Variants in ANKS1B observed in about 807,000 individuals in gnomAD.
ANKS1B encodes the protein ankyrin repeat and sterile alpha motif domain containing 1B.
In ANKS1B, 36 loss-of-function variants were observed where a neutral mutation model predicts 148.3. The observed-to-expected ratio is 0.24, with a 90% CI of 0.19 to 0.32. The LOEUF is 0.32. Among genes scored for constraint, ANKS1B ranks in the 10% least tolerant of loss-of-function variants. ANKS1B has a pLI of 1.00. For missense variants in ANKS1B, 1,157 were observed against 1,542.6 expected, an observed-to-expected ratio of 0.75 and a Z score of 4.19; for synonymous variants, 542 against 560.8, an observed-to-expected ratio of 0.97 and a Z score of 0.47.
At chr12:98,812,309 C>T (rs1211885331) in intron 19 of ANKS1B, among the ~76,000 whole-genome samples, 1 of 152,246 alleles carries the variant, frequency 6.6e-6, no homozygotes, top group East Asian at 1.9e-4. Context: ...CAGTCACCTA[C>T]AGTATTCAGT....
rs145869335 is a variant in ANKS1B, at chr12:99,507,965, G to A, written c.1273-3324C>T. ...TTTTCCTCCTCTACCAGGGCTAAAT[G>A]CTTTCTGAGCTTTGTGTTTTTAATT... On this transcript the variant is annotated intron_variant, in intron 9 of 26. Transcript: ENST00000683438. Among the ~76,000 whole-genome samples, 4 of 151,850 alleles carry A rather than the reference G, an allele frequency of 2.6e-5. No individual in the cohort carries two copies. The East Asian group carries it at 7.7e-4, about 29-fold the overall frequency.
intron 1 of ANKS1B, 96 bp downstream of exon 1, chr12:99,984,008 G>A (rs1371553974): frequency 9.1e-7 from 1 of 1,098,662 alleles, no homozygotes; most frequent in African/African-American, 1.6e-5. Context: ...TGAATCGCTG[G>A]CAGCCACCAG....
chr12:99,514,060 T>C (rs1445861614), intron 9 of ANKS1B, among the ~76,000 whole-genome samples: 1 of 152,046 alleles, frequency 6.6e-6, no homozygotes, highest in Non-Finnish European at 1.5e-5. Context: ...AGTAAATTCA[T>C]TTAATTAACA....
intron 10 of ANKS1B, among the ~76,000 whole-genome samples, chr12:99,469,948 C>T (rs7306764): frequency 0.24 from 36,312 of 151,366 alleles, 4,950 homozygotes; most frequent in African/African-American, 0.38. Context: ...AGGAGACCCC[C>T]GTATCTTCAA....
chr12:99,094,237 TA>T (rs1239356426), intron 15 of ANKS1B, among the ~76,000 whole-genome samples: 2 of 152,274 alleles, frequency 1.3e-5, no homozygotes, highest in Admixed American at 1.3e-4. Flanking sequence ...AACAGTGGAA[TA>T]AAAAAATAGA....
At chr12:99,082,200 A>G (rs1443878247) in intron 16 of ANKS1B, among the ~76,000 whole-genome samples, 3 of 152,138 alleles carry the variant, frequency 2.0e-5, no homozygotes, top group Non-Finnish European at 4.4e-5. Context: ...TGAGGGTGAG[A>G]TGGAAAATAA....
At chr12:99,043,979 G>T (rs2099960707) in intron 17 of ANKS1B, among the ~76,000 whole-genome samples, 1 of 152,172 alleles carries the variant, frequency 6.6e-6, no homozygotes, top group African/African-American at 2.4e-5. Context: ...GAGAGCAGAG[G>T]TTTATCTTTT....
intron 8 of ANKS1B, among the ~76,000 whole-genome samples, chr12:99,656,821 A>T (rs2098451993): frequency 6.6e-6 from 1 of 152,216 alleles, no homozygotes; most frequent in African/African-American, 2.4e-5. Context: ...CTCTGAATGT[A>T]GCGTTCAGCA....
chr12:99,330,088 C>T (rs1242993373), intron 12 of ANKS1B, among the ~76,000 whole-genome samples: 2 of 151,884 alleles, frequency 1.3e-5, no homozygotes, highest in African/African-American at 2.4e-5. Flanking sequence ...CTTAATTCTT[C>T]AGTTCACCTT....
intron 22 of ANKS1B, among the ~76,000 whole-genome samples, chr12:98,797,413 G>C (rs2098959684): frequency 1.3e-5 from 2 of 152,150 alleles, no homozygotes; most frequent in African/African-American, 2.4e-5. Flanking sequence ...CTGTAAAATG[G>C]GGACAATAAT....
At chr12:99,491,521 T>C (rs1277767373) in intron 10 of ANKS1B, among the ~76,000 whole-genome samples, 2 of 152,164 alleles carry the variant, frequency 1.3e-5, no homozygotes, top group Admixed American at 6.5e-5. Context: ...TTATTTATTC[T>C]GATCCTCACC....
intron 7 of ANKS1B, 34 bp downstream of exon 7, chr12:99,775,514 T>C: frequency 1.4e-6 from 2 of 1,432,562 alleles, no homozygotes; most frequent in Non-Finnish European, 2.0e-6. Context: ...ACAAGTCTAG[T>C]ATAGATTCCA....
At chr12:99,349,745 C>T (rs2091181836) in intron 12 of ANKS1B, among the ~76,000 whole-genome samples, 1 of 151,762 alleles carries the variant, frequency 6.6e-6, no homozygotes, top group African/African-American at 2.4e-5. Context: ...ATTTCAATAC[C>T]CTATTTTCAA....
intron 8 of ANKS1B, among the ~76,000 whole-genome samples, chr12:99,681,032 C>T (rs752398403): frequency 2.6e-5 from 4 of 152,080 alleles, no homozygotes; most frequent in Non-Finnish European, 5.9e-5. Context: ...ACACCTAACC[C>T]GGCCTCCACT....
intron 12 of ANKS1B, among the ~76,000 whole-genome samples, chr12:99,374,178 C>A (rs1051898559): frequency 2.0e-5 from 3 of 152,078 alleles, no homozygotes; most frequent in African/African-American, 7.2e-5. Flanking sequence ...CCAGAAAATA[C>A]ATAAATGAAT....
chr12:99,075,344 C>T (rs1227567361), intron 16 of ANKS1B, among the ~76,000 whole-genome samples: 2 of 152,132 alleles, frequency 1.3e-5, no homozygotes, highest in African/African-American at 2.4e-5. Context: ...TGGAAGGGTC[C>T]ATGATGGAAG....
intron 12 of ANKS1B, among the ~76,000 whole-genome samples, chr12:99,333,354 G>T (rs1454729890): frequency 6.6e-6 from 1 of 152,044 alleles, no homozygotes; most frequent in African/African-American, 2.4e-5. Flanking sequence ...GAAATTAACA[G>T]ATAGATTCAA....
chr12:99,106,085 A>T (rs1437960161), intron 15 of ANKS1B, among the ~76,000 whole-genome samples: 2 of 152,214 alleles, frequency 1.3e-5, no homozygotes, highest in Non-Finnish European at 2.9e-5. Context: ...ATCCTTTACT[A>T]GGGATCTCTG....
rs371779669 is a variant in ANKS1B, at chr12:99,899,670, T to G, written c.135-74281A>C. Among the ~76,000 whole-genome samples, 6 of 152,142 alleles carry G rather than the reference T, an allele frequency of 3.9e-5. No individual in the cohort carries two copies. In the East Asian group the frequency reaches 7.7e-4, roughly 20 times the overall value. ...GTTATATTCTTGCAGAAGATTGCCC[T>G]GTCCTAAAATCAGGATTATTTGTAG... On this transcript the variant is annotated intron_variant, in intron 1 of 26. Coordinates refer to ENST00000683438, the MANE Select transcript of ANKS1B (RefSeq NM_001352186.2).
Sources: allele counts gnomAD v4.1 joint callset (sites outside exome capture counted in the v4.1 genomes callset), GRCh38; gene constraint gnomAD v4.1.1; transcripts MANE v1.5; gene names NCBI Gene and HGNC (gene_info 2026-07-23, HGNC 2026-07-21).